The following HACE1 variants were observed in gnomAD, a reference collection of about 807,000 sequenced individuals.
HACE1 encodes HECT domain and ankyrin repeat containing E3 ubiquitin protein ligase 1.
HACE1 carries 73 observed loss-of-function variants against 118.4 expected under a neutral mutation model. The ratio of observed to expected loss-of-function variants is 0.62; its 90% CI spans 0.51 to 0.75. The LOEUF (loss-of-function observed/expected upper bound fraction) is 0.75, where lower values mean the gene tolerates loss of function less well. Ranked by LOEUF, HACE1 falls within the 30% of genes least tolerant of loss-of-function variation. The pLI is 0.00. For missense variants in HACE1, 749 were observed against 1,102.2 expected, an observed-to-expected ratio of 0.68 and a Z score of 4.54; for synonymous variants, 368 against 374.8, an observed-to-expected ratio of 0.98 and a Z score of 0.21.
At chr6:104,827,426 T>A (rs886505794) in intron 6 of HACE1, among the ~76,000 whole-genome samples, 2 of 152,136 alleles carry the variant, frequency 1.3e-5, no homozygotes, top group Admixed American at 6.5e-5. Flanking sequence ...GGTTTACACA[T>A]GTCTTCTCTA....
intron 6 of HACE1, among the ~76,000 whole-genome samples, chr6:104,831,984 A>AGAAGAGAAGAGACGAG (rs201781305): frequency 1.7e-5 from 1 of 58,468 alleles, no homozygotes; most frequent in Non-Finnish European, 3.3e-5. Flanking sequence ...AGAAGAGAGG[A>AGAAGAGAAGAGACGAG]AGGAAGGAAG....
chr6:104,856,813 T>C (rs1776768924), intron 1 of HACE1, among the ~76,000 whole-genome samples: 1 of 152,172 alleles, frequency 6.6e-6, no homozygotes, highest in Non-Finnish European at 1.5e-5. Context: ...CTCAAGAATA[T>C]TCCTGTGTTA....
rs926256892 is a variant in HACE1, at chr6:104,859,356, A to C, written c.76+211T>G. The C allele has an allele frequency of 1.7e-5, 9 of 518,440 alleles. No individual in the cohort carries two copies. The South Asian group carries it at 2.2e-4, about 13-fold the overall frequency. The allele number at this position is 518,440 out of a possible 1,614,324, so 32.1% of individuals were successfully genotyped here. On this transcript the variant is annotated intron_variant, in intron 1 of 23. Coordinates refer to ENST00000262903, the MANE Select transcript of HACE1 (RefSeq NM_020771.4). Reference sequence around the variant, plus strand: ...CCAGCAGCGGAACCCCCACCAACCCAGTTTCCTCCCGAAAACTCCCACCTG... The same window carrying C: ...CCAGCAGCGGAACCCCCACCAACCCCGTTTCCTCCCGAAAACTCCCACCTG...
Position 104,730,383 on chromosome 6 carries a change from G to T in HACE1, c.2547C>A (p.Ile849=). ...AGTTTTGCAATCCACTTCCACCCAT[G>T]ATATTAGCAAACCCACCATGTGGGA... is the stretch of plus-strand genomic sequence containing the variant. ...SRVPHGGFAN[I]MGGSGLQNFT... Residue 849 remains isoleucine (I), a synonymous_variant, in exon 23 of 24, where the codon ATC becomes ATA. Coordinates refer to ENST00000262903, the MANE Select transcript of HACE1 (RefSeq NM_020771.4). The T allele has an allele frequency of 1.9e-6, 3 of 1,589,868 alleles. No individual in the cohort carries two copies. Among genetic ancestry groups the T allele is most frequent in the Non-Finnish European group, 2.6e-6 (3 of 1,157,862 alleles).
At chr6:104,822,537 A>G (rs975616376) in intron 6 of HACE1, among the ~76,000 whole-genome samples, 8 of 151,646 alleles carry the variant, frequency 5.3e-5, no homozygotes, top group Non-Finnish European at 8.8e-5. Context: ...GGTTCAACAG[A>G]GTGAAACCCT....
At position 104,745,931 on chromosome 6, in the gene HACE1, T is replaced by C. The variant is rs182359551; in HGVS notation, c.2344-1321A>G. 2.7e-3 allele frequency among the ~76,000 whole-genome samples: 416 copies of C among 152,332 alleles called. 2 individuals are homozygous for C. The highest frequency in any genetic ancestry group is 9.3e-3 in the African/African-American group (388 of 41,572). On this transcript the variant is annotated intron_variant, in intron 20 of 23. Transcript: ENST00000262903. ...GGTTCTCCCTTTTCCAACTTATCTG[T>C]ATGAGGTTGAGTTTTCTTCATATAT...
intron 14 of HACE1, 131 bp downstream of exon 14, chr6:104,783,955 A>G: frequency 1.5e-6 from 1 of 672,458 alleles, no homozygotes; most frequent in Admixed American, 2.4e-5. Flanking sequence ...TACTCCTCAT[A>G]TTAAAGTAAC....
chr6:104,799,702 A>C (rs2114895939), intron 7 of HACE1, among the ~76,000 whole-genome samples: 1 of 152,262 alleles, frequency 6.6e-6, no homozygotes, highest in Admixed American at 6.5e-5. Flanking sequence ...AGATAAACAG[A>C]GATTGCCCTT....
At chr6:104,832,314 T>C (rs1774081473) in intron 6 of HACE1, among the ~76,000 whole-genome samples, 1 of 152,176 alleles carries the variant, frequency 6.6e-6, no homozygotes, top group Non-Finnish European at 1.5e-5. Flanking sequence ...ACCTATGAAT[T>C]AGAAATAAAA....
In HACE1 at chr6:104,749,430, A is replaced by G. The variant is rs1017951897; in HGVS notation, c.2343+911T>C. Among the ~76,000 whole-genome samples the G allele has an allele frequency of 1.8e-4, 27 of 152,264 alleles. 1 individual carries two copies. Among genetic ancestry groups the G allele is most frequent in the Admixed American group, 1.7e-3 (26 of 15,278 alleles). ...TAATTAGCAAATTTTATTCACTATT[A>G]TACTAAGATATACTATGAATGATAA... On this transcript the variant is annotated intron_variant, in intron 20 of 23. Transcript: ENST00000262903.
In HACE1 at chr6:104,738,971, C is replaced by T. The variant is rs1256619266; in HGVS notation, c.2513+5189G>A. 3.4e-5 allele frequency among the ~76,000 whole-genome samples: 5 copies of T among 148,452 alleles called. No homozygotes were observed. The East Asian group carries it at 5.9e-4, about 18-fold the overall frequency. ...CCCATCAGACTAACAGCGGATCTCT[C>T]GGCAGAAACCCTACAAGCCAGAAAA... is the stretch of plus-strand genomic sequence containing the variant. On this transcript the variant is annotated intron_variant, in intron 22 of 23. Coordinates refer to ENST00000262903, the MANE Select transcript of HACE1 (RefSeq NM_020771.4).
intron 6 of HACE1, among the ~76,000 whole-genome samples, chr6:104,820,141 G>A (rs112764062): frequency 1.3e-5 from 2 of 149,696 alleles, no homozygotes; most frequent in African/African-American, 5.0e-5. Flanking sequence ...TTTGCAGTGA[G>A]CCGAGATTGT....
chr6:104,739,593 G>T (rs921531648), intron 22 of HACE1, among the ~76,000 whole-genome samples: 15 of 151,908 alleles, frequency 9.9e-5, no homozygotes, highest in Non-Finnish European at 2.1e-4. Context: ...ATGATAAAGG[G>T]ATCAATTCAA....
In HACE1 at chr6:104,842,878, G is replaced by C. The variant is rs534055425; in HGVS notation, c.402+345C>G. 5.3e-5 allele frequency among the ~76,000 whole-genome samples: 8 copies of C among 152,246 alleles called. No homozygotes were observed. The East Asian group carries it at 1.4e-3, about 26-fold the overall frequency. On this transcript the variant is annotated intron_variant, in intron 5 of 23. Coordinates refer to ENST00000262903, the MANE Select transcript of HACE1 (RefSeq NM_020771.4). ...TATAATCCCAGCACTTTGGGAGGCT[G>C]AGACAGGTGAATCACTTGAGGCCAG...
At chr6:104,819,916 G>A (rs530563343) in intron 6 of HACE1, among the ~76,000 whole-genome samples, 1 of 152,090 alleles carries the variant, frequency 6.6e-6, no homozygotes, top group East Asian at 1.9e-4. Flanking sequence ...TAAAACCCAG[G>A]CCAGGTGCAG....
intron 22 of HACE1, among the ~76,000 whole-genome samples, chr6:104,741,118 G>A (rs1776627243): frequency 1.0e-5 from 1 of 99,216 alleles, no homozygotes. Context: ...CAACCTTCAT[G>A]CTAAAAACTC....
At chr6:104,799,089 G>A (rs1485285621) in intron 7 of HACE1, among the ~76,000 whole-genome samples, 1 of 152,266 alleles carries the variant, frequency 6.6e-6, no homozygotes, top group Middle Eastern at 3.4e-3. Flanking sequence ...AATAACAAGA[G>A]ACCTGAAACA....
At chr6:104,833,932 C>A (rs1367944962) in intron 5 of HACE1, among the ~76,000 whole-genome samples, 1 of 152,052 alleles carries the variant, frequency 6.6e-6, no homozygotes, top group Non-Finnish European at 1.5e-5. Flanking sequence ...TTGCGGTGAG[C>A]TGAGATCGTG....
intron 10 of HACE1, among the ~76,000 whole-genome samples, chr6:104,792,038 T>A (rs1582490591): frequency 6.6e-6 from 1 of 152,182 alleles, no homozygotes; most frequent in Non-Finnish European, 1.5e-5. Flanking sequence ...GAAGCAATGG[T>A]ATAAATCATC....
Sources: gnomAD v4.1 joint callset for allele counts (sites outside exome capture counted in the v4.1 genomes callset) on GRCh38, gnomAD v4.1.1 for gene constraint, MANE v1.5 for transcripts, NCBI Gene and HGNC (gene_info 2026-07-23, HGNC 2026-07-21) for gene names.